Variants in NUFIP1 observed in about 807,000 individuals in gnomAD.
NUFIP1 encodes the protein nuclear FMR1 interacting protein 1, also known as FMR1-interacting protein NUFIP1.
Under a neutral mutation model 56.2 loss-of-function variants are expected in NUFIP1, and 38 were observed. The ratio of observed to expected loss-of-function variants is 0.68; its 90% CI spans 0.52 to 0.89. The LOEUF is 0.89. Among genes scored for constraint, NUFIP1 ranks in the 40% least tolerant of loss-of-function variants. The pLI is 0.00. For missense variants in NUFIP1, 567 were observed against 605.8 expected (o/e 0.94, Z 0.67); for synonymous variants, 215 against 212.4 (o/e 1.01, Z -0.10).
rs1157904040 is a variant in NUFIP1, at chr13:44,941,123, A to G, written c.*83T>C. 1 of 662,278 alleles carries G rather than the reference A, an allele frequency of 1.5e-6. No individual in the cohort carries two copies. Among genetic ancestry groups the G allele is most frequent in the Non-Finnish European group, 2.5e-6 (1 of 394,908 alleles). 41.0% of individuals were successfully genotyped at this position (662,278 alleles called of 1,614,324 possible). Reference sequence around the variant, plus strand: ...TTAATTACAAATCCAATTTTGACGGAAAAAAGGGTTTTGGTTTTCCTCTAC... The same window carrying G: ...TTAATTACAAATCCAATTTTGACGGGAAAAAGGGTTTTGGTTTTCCTCTAC... On this transcript the variant is annotated 3_prime_UTR_variant, in exon 10 of 10. Transcript: ENST00000379161.
At chr13:44,976,072 A>C (rs1871963433) in intron 5 of NUFIP1, among the ~76,000 whole-genome samples, 1 of 152,214 alleles carries the variant, frequency 6.6e-6, no homozygotes, top group Non-Finnish European at 1.5e-5. Flanking sequence ...AAAGGGACTG[A>C]CACCAATAAG....
At chr13:44,980,679 G>T in intron 3 of NUFIP1, 43 bp downstream of exon 3, 1 of 1,241,326 alleles carries the variant, frequency 8.1e-7, no homozygotes, top group Non-Finnish European at 1.2e-6. Context: ...GATAGAAGAA[G>T]CACAATTGCT....
At chr13:44,949,493 G>A (rs577001406) in intron 8 of NUFIP1, among the ~76,000 whole-genome samples, 18 of 152,278 alleles carry the variant, frequency 1.2e-4, no homozygotes, top group South Asian at 1.0e-3. Flanking sequence ...GAGCCACCGC[G>A]CCCGGCCTAT....
Position 44,949,776 on chromosome 13 carries a change from A to C in NUFIP1, c.1084T>G (p.Cys362Gly), listed in dbSNP as rs530720877. Residue 362 changes from cysteine (C) to glycine (G), a missense_variant, in exon 8 of 10, where the codon TGC (cysteine) becomes GGC (glycine). Transcript: ENST00000379161. ...CTGCCATAGCTACTCATTAGTGAGC[A>C]TAGGGCTGGTGTCACTTCCTTGGGT... is the stretch of plus-strand genomic sequence containing the variant. ...VIPKEVTPAL[C>G]SLMSSYGSLS... is the part of the protein sequence containing the mutation. 6.2e-7 allele frequency: 1 copy of C among 1,614,158 alleles called. No individual in the cohort carries two copies. Among genetic ancestry groups the C allele is most frequent in the African/African-American group, 1.3e-5 (1 of 75,052 alleles).
At chr13:44,966,904 T>C (rs1186597963) in intron 5 of NUFIP1, among the ~76,000 whole-genome samples, 2 of 150,966 alleles carry the variant, frequency 1.3e-5, no homozygotes, top group African/African-American at 4.9e-5. Context: ...AACCAGGAGG[T>C]GGAGGTTGCA....
chr13:44,989,443 G>T lies in NUFIP1; in HGVS notation c.-7C>A. ...CACTAGTCGGCTCAGCCATACCACT[G>T]GCGGGTCCGGAGTCTAGCACGCGAC... On this transcript the variant is annotated 5_prime_UTR_variant, in exon 1 of 10. Transcript: ENST00000379161. 1.2e-6 allele frequency: 2 copies of T among 1,611,946 alleles called. No homozygotes were observed. The highest frequency in any genetic ancestry group is 2.2e-5 in the East Asian group (1 of 44,836).
At chr13:44,950,111 A>G (rs921491593) in intron 7 of NUFIP1, among the ~76,000 whole-genome samples, 2 of 152,234 alleles carry the variant, frequency 1.3e-5, no homozygotes, top group Non-Finnish European at 2.9e-5. Context: ...CAATCTGAGC[A>G]TACTCTAAAT....
chr13:44,956,582 G>A (rs1423770775), intron 7 of NUFIP1, among the ~76,000 whole-genome samples: 1 of 152,182 alleles, frequency 6.6e-6, no homozygotes, highest in African/African-American at 2.4e-5. Context: ...ATCTTGGGAT[G>A]ATGGGAGACA....
rs1357848279 is a variant in NUFIP1, at chr13:44,940,110, T to A, written c.*1096A>T. The A allele has an allele frequency of 6.6e-6, 1 of 152,216 alleles. No individual in the cohort carries two copies. Among genetic ancestry groups the A allele is most frequent in the East Asian group, 1.9e-4 (1 of 5,202 alleles). 9.4% of individuals were successfully genotyped at this position (152,216 alleles called of 1,614,324 possible). A position where few individuals can be genotyped will look rare whatever the true frequency, so the allele number is the denominator to read the frequency against. ...TACAAAGAGTAAGCACTCAACAGTG[T>A]TACATGAATTGAATTAGTTAATGTA... On this transcript the variant is annotated 3_prime_UTR_variant, in exon 10 of 10. Coordinates refer to ENST00000379161, the MANE Select transcript of NUFIP1 (RefSeq NM_012345.3).
intron 1 of NUFIP1, 77 bp downstream of exon 1, chr13:44,988,948 G>C: frequency 6.9e-7 from 1 of 1,447,814 alleles, no homozygotes; most frequent in Admixed American, 1.8e-5. Context: ...AGAGTAGAGA[G>C]AGGAAGCAGA....
intron 7 of NUFIP1, among the ~76,000 whole-genome samples, chr13:44,955,823 TAA>T (rs59016818): frequency 1.3e-3 from 196 of 147,668 alleles, no homozygotes; most frequent in Admixed American, 1.8e-3. Context: ...CTGATGAGCT[TAA>T]AAAAAAAAAA....
chr13:44,963,137 G>C (rs1871482264), intron 6 of NUFIP1, among the ~76,000 whole-genome samples: 1 of 151,878 alleles, frequency 6.6e-6, no homozygotes, highest in Non-Finnish European at 1.5e-5. Context: ...TAATTAATTG[G>C]ATTTGGGGGA....
intron 8 of NUFIP1, among the ~76,000 whole-genome samples, chr13:44,944,323 C>CA (rs1300765858): frequency 1.3e-5 from 2 of 152,046 alleles, no homozygotes; most frequent in African/African-American, 2.4e-5. Flanking sequence ...TAATGTCAGA[C>CA]AAAAAAGACT....
intron 5 of NUFIP1, among the ~76,000 whole-genome samples, chr13:44,971,456 A>C (rs1042692143): frequency 2.0e-5 from 3 of 152,178 alleles, no homozygotes; most frequent in Non-Finnish European, 4.4e-5. Flanking sequence ...GCCACCAGCA[A>C]GCCTATTAAA....
chr13:44,956,216 C>CA (rs1342283238), intron 7 of NUFIP1, among the ~76,000 whole-genome samples: 1 of 151,866 alleles, frequency 6.6e-6, no homozygotes, highest in Non-Finnish European at 1.5e-5. Flanking sequence ...CATTCAAAGC[C>CA]ATCCTTGGCT....
intron 5 of NUFIP1, among the ~76,000 whole-genome samples, chr13:44,973,184 A>T (rs1871862966): frequency 6.6e-6 from 1 of 152,198 alleles, no homozygotes; most frequent in Admixed American, 6.5e-5. Flanking sequence ...GGCATAGTTC[A>T]CATTCGTGTA....
chr13:44,943,871 A>G (rs534480091), intron 8 of NUFIP1, among the ~76,000 whole-genome samples, 197 bp from the exon 9 acceptor site: 3 of 152,338 alleles, frequency 2.0e-5, no homozygotes, highest in East Asian at 3.9e-4. Context: ...TGTAACTACC[A>G]AAAATTGAGA....
At chr13:44,943,325 A>T in intron 9 of NUFIP1, 117 bp downstream of exon 9, 1 of 805,884 alleles carries the variant, frequency 1.2e-6, no homozygotes, top group Non-Finnish European at 2.0e-6. Flanking sequence ...CTCCAAGGTC[A>T]ATGTGTCTCT....
chr13:44,951,937 T>C (rs909539127), intron 7 of NUFIP1, among the ~76,000 whole-genome samples: 4 of 152,248 alleles, frequency 2.6e-5, no homozygotes, highest in Non-Finnish European at 5.9e-5. Flanking sequence ...ATCAGGGTTG[T>C]GGTCACTAAA....
Sources: gnomAD v4.1 joint callset for allele counts (sites outside exome capture counted in the v4.1 genomes callset) on GRCh38, gnomAD v4.1.1 for gene constraint, MANE v1.5 for transcripts, NCBI Gene and HGNC (gene_info 2026-07-23, HGNC 2026-07-21) for gene names.